EXOC4: variants seen among roughly 807,000 people sequenced by gnomAD.
EXOC4 encodes the protein exocyst complex component 4, also known as SEC8-like 1.
A neutral mutation model predicts 107.2 loss-of-function variants in EXOC4; 71 were observed. The ratio of observed to expected loss-of-function variants is 0.66; its 90% confidence interval spans 0.55 to 0.81. The LOEUF (loss-of-function observed/expected upper bound fraction) is 0.81, where lower values mean the gene tolerates loss of function less well. Ranked by LOEUF, EXOC4 falls within the 30% of genes least tolerant of loss-of-function variation. The probability of loss-of-function intolerance (pLI) is 0.00; values close to 1 mark genes in which losing one functional copy is unlikely to be tolerated. For missense variants in EXOC4, 1,108 were observed against 1,189.6 expected (o/e 0.93, Z 1.01); for synonymous variants, 456 against 441.2 (o/e 1.03, Z -0.42).
chr7:133,568,278 A>T (rs1454240776), intron 9 of EXOC4, among the ~76,000 whole-genome samples: 3 of 151,118 alleles, frequency 2.0e-5, no homozygotes, highest in African/African-American at 7.3e-5. Context: ...GCAATTTGAG[A>T]TATGAGCTTC....
At chr7:134,059,210 TAGTG>T (rs1191726940) in intron 17 of EXOC4, among the ~76,000 whole-genome samples, 1 of 152,150 alleles carries the variant, frequency 6.6e-6, no homozygotes, top group Non-Finnish European at 1.5e-5. Context: ...TAGTTTATGT[TAGTG>T]AGTATTTCTT....
chr7:133,367,688 C>T (rs963582934), intron 6 of EXOC4, among the ~76,000 whole-genome samples: 1 of 152,150 alleles, frequency 6.6e-6, no homozygotes, highest in South Asian at 2.1e-4. Flanking sequence ...CCTTTGTTCT[C>T]TTATCTTTGA....
At chr7:133,562,147 A>G (rs1014714) in intron 9 of EXOC4, among the ~76,000 whole-genome samples, 151,464 of 152,320 alleles carry the variant, frequency 0.99, 75,315 homozygotes, top group East Asian at 1. Context: ...TATAGAGGAC[A>G]TTAAGTGAAG....
chr7:133,715,660 G>A (rs1198267656), intron 10 of EXOC4, among the ~76,000 whole-genome samples: 1 of 152,004 alleles, frequency 6.6e-6, no homozygotes, highest in Admixed American at 6.6e-5. Flanking sequence ...GCTCTTGTCT[G>A]CTGAATTCAA....
At chr7:133,342,563 T>C (rs1298497257) in intron 5 of EXOC4, among the ~76,000 whole-genome samples, 1 of 152,212 alleles carries the variant, frequency 6.6e-6, no homozygotes, top group African/African-American at 2.4e-5. Context: ...TTTGGATGTC[T>C]AGATCTCTAG....
intron 13 of EXOC4, 131 bp from the exon 14 acceptor site, chr7:133,937,760 C>T: frequency 2.5e-6 from 2 of 813,332 alleles, no homozygotes; most frequent in South Asian, 3.6e-5. Context: ...CAAAGTTAAA[C>T]CTAGGAAAAA....
chr7:133,367,059 A>G (rs1277067741), intron 6 of EXOC4, among the ~76,000 whole-genome samples: 2 of 152,142 alleles, frequency 1.3e-5, no homozygotes, highest in African/African-American at 4.8e-5. Context: ...AAGCATTACC[A>G]TTTACTGATG....
At chr7:133,494,967 T>C (rs973982154) in intron 9 of EXOC4, among the ~76,000 whole-genome samples, 1 of 152,124 alleles carries the variant, frequency 6.6e-6, no homozygotes, top group Admixed American at 6.5e-5. Flanking sequence ...GTAATAATAA[T>C]ATACATTATA....
chr7:133,253,908 T>C (rs1443382137), intron 1 of EXOC4: 1 of 152,166 alleles, frequency 6.6e-6, no homozygotes, highest in Non-Finnish European at 1.5e-5. Flanking sequence ...AAAAGCGAAA[T>C]ATATTGAGGA....
chr7:133,666,008 G>A (rs924381919), intron 10 of EXOC4, among the ~76,000 whole-genome samples: 9 of 152,034 alleles, frequency 5.9e-5, no homozygotes, highest in African/African-American at 2.2e-4. Context: ...CTTATTTTCA[G>A]TACCAATTTG....
At chr7:134,095,711 G>A in the EXOC4 span, among the ~76,000 whole-genome samples, 1 of 152,216 alleles carries the variant, frequency 6.6e-6, no homozygotes, top group East Asian at 1.9e-4. Context: ...ACAAAAATAA[G>A]CAATGGGGAA....
rs151044583 is a variant in EXOC4 at position 133,780,330 on chromosome 7, C to T, written c.1515-36995C>T. 5.2e-3 allele frequency among the ~76,000 whole-genome samples: 769 copies of T among 148,370 alleles called. 4 individuals are homozygous for T. The highest frequency in any genetic ancestry group is 8.7e-3 in the Non-Finnish European group (584 of 67,360). On this transcript the variant is annotated intron_variant, in intron 10 of 17. Coordinates refer to ENST00000253861, the MANE Select transcript of EXOC4 (RefSeq NM_021807.4). ...AAAAAAAAAAAAGCCATACTTTTAG[C>T]GTTTTTTGAAAGTATTACCAAGTTA...
In EXOC4 at chr7:133,498,545, A is replaced by G. The variant is rs184905345; in HGVS notation, c.1417+18407A>G. Reference sequence around the variant, plus strand: ...GCTTGCAGTGAGCCGAGATCATGCTACTGCACTCCAGCCTAGGCGACAGAG... The same window carrying G: ...GCTTGCAGTGAGCCGAGATCATGCTGCTGCACTCCAGCCTAGGCGACAGAG... On this transcript the variant is annotated intron_variant, in intron 9 of 17. Coordinates refer to ENST00000253861, the MANE Select transcript of EXOC4 (RefSeq NM_021807.4). 6.6e-5 allele frequency among the ~76,000 whole-genome samples: 10 copies of G among 152,276 alleles called. No individual in the cohort carries two copies. The East Asian group carries it at 1.4e-3, about 21-fold the overall frequency.
At chr7:133,648,682 AT>A (rs1350624011) in intron 10 of EXOC4, among the ~76,000 whole-genome samples, 2 of 152,186 alleles carry the variant, frequency 1.3e-5, no homozygotes, top group African/African-American at 4.8e-5. Flanking sequence ...AGATACATTT[AT>A]ATATTTATTT....
chr7:133,573,387 C>G (rs1801064881), intron 9 of EXOC4, among the ~76,000 whole-genome samples: 1 of 152,134 alleles, frequency 6.6e-6, no homozygotes, highest in Admixed American at 6.6e-5. Flanking sequence ...AGAGGAAGAA[C>G]CAGTTTCAGC....
intron 10 of EXOC4, among the ~76,000 whole-genome samples, chr7:133,632,573 G>C (rs1002604638): frequency 6.6e-6 from 1 of 152,076 alleles, no homozygotes; most frequent in South Asian, 2.1e-4. Context: ...CATTTCCTGA[G>C]TGTTGGATTT....
intron 7 of EXOC4, among the ~76,000 whole-genome samples, chr7:133,389,896 A>C (rs3929027): frequency 1.2e-4 from 2 of 16,480 alleles, no homozygotes; most frequent in South Asian, 3.2e-3. Flanking sequence ...GCAGCAGGCC[A>C]AAAAAAAAAA....
At chr7:133,614,552 A>G (rs998310480) in intron 9 of EXOC4, among the ~76,000 whole-genome samples, 6 of 152,146 alleles carry the variant, frequency 3.9e-5, no homozygotes, top group African/African-American at 1.4e-4. Flanking sequence ...CTCATTGCAC[A>G]TGGTACTCTA....
chr7:133,338,599 C>CAAA (rs35420911), intron 5 of EXOC4, among the ~76,000 whole-genome samples: 1,325 of 79,226 alleles, frequency 0.017, 63 homozygotes, highest in Non-Finnish European at 0.023. Context: ...GACTCCGTCT[C>CAAA]AAAAAAAAAA....
Sources: gnomAD v4.1 joint callset for allele counts (sites outside exome capture counted in the v4.1 genomes callset) on GRCh38, gnomAD v4.1.1 for gene constraint, MANE v1.5 for transcripts, NCBI Gene and HGNC (gene_info 2026-07-23, HGNC 2026-07-21) for gene names.